The following LRRK1 variants were observed in gnomAD, a reference collection of about 807,000 sequenced individuals.
LRRK1 encodes leucine-rich repeat serine/threonine-protein kinase 1.
Under a neutral mutation model 209.1 loss-of-function variants are expected in LRRK1, and 113 were observed. The observed-to-expected ratio is 0.54, with a 90% CI of 0.46 to 0.63. The LOEUF (loss-of-function observed/expected upper bound fraction) is 0.63, where lower values mean the gene tolerates loss of function less well. LRRK1 is among the 30% of genes least tolerant of loss of function. LRRK1 has a pLI of 0.00. For synonymous variants in LRRK1, 1,144 were observed against 1,099.7 expected (o/e 1.04, Z -0.80); for missense variants, 2,284 against 2,632.2 (o/e 0.87, Z 2.89).
rs1046465465 is a variant in LRRK1 at position 101,022,239 on chromosome 15, C to T, written c.1853-144C>T. On this transcript the variant is annotated intron_variant, in intron 14 of 33. Transcript: ENST00000388948. The surrounding 1 kb of genome is among the most constrained non-coding windows in gnomAD (Gnocchi z 4.0). Reference sequence around the variant, plus strand: ...GCTTTTAGGGTGGTTAGTGTCATGCCTTCCCTCCCCCTGATCCAGTAGTCT... The same window carrying T: ...GCTTTTAGGGTGGTTAGTGTCATGCTTTCCCTCCCCCTGATCCAGTAGTCT... 7.3e-6 allele frequency: 6 copies of T among 824,848 alleles called. No homozygotes were observed. The African/African-American group carries it at 1.0e-4, about 14-fold the overall frequency. 51.1% of individuals were successfully genotyped at this position (824,848 alleles called of 1,614,324 possible). A position where few individuals can be genotyped will look rare whatever the true frequency, so the allele number is the denominator to read the frequency against.
rs766359451 is a variant in LRRK1, at chr15:101,028,914, C to T, written c.2687-42C>T. ...GGCCACCCCAGAGTCCCTTTCGCTC[C>T]TTTGTCTAACTGCTGCTTCCTCCTC... is the stretch of plus-strand genomic sequence containing the variant. On this transcript the variant is annotated intron_variant, in intron 19 of 33. Transcript: ENST00000388948. 19 of 1,602,694 alleles carry T rather than the reference C, an allele frequency of 1.2e-5. No homozygotes were observed. The South Asian group carries it at 1.6e-4, about 13-fold the overall frequency.
chr15:100,988,215 G>A (rs898054944), intron 4 of LRRK1, among the ~76,000 whole-genome samples: 4 of 152,168 alleles, frequency 2.6e-5, no homozygotes, highest in African/African-American at 4.8e-5. Context: ...GCATGTTGCC[G>A]GGGTTCGGTA....
chr15:101,061,083 C>A, intron 29 of LRRK1, 88 bp from the exon 30 acceptor site: 1 of 967,712 alleles, frequency 1.0e-6, no homozygotes, highest in Non-Finnish European at 1.6e-6. Context: ...GGGAGGTAGA[C>A]GAGGCTCGCA....
In LRRK1 at chr15:101,072,213, C is replaced by G. The variant is rs1250400180; in HGVS notation, c.*3365C>G. The G allele has an allele frequency of 1.3e-5, 2 of 152,186 alleles. No individual in the cohort carries two copies. The highest frequency in any genetic ancestry group is 2.9e-5 in the Non-Finnish European group (2 of 68,044). 9.4% of individuals were successfully genotyped at this position (152,186 alleles called of 1,614,324 possible). On this transcript the variant is annotated 3_prime_UTR_variant, in exon 34 of 34. Transcript: ENST00000388948. ...ATTTCAAATGCACATACCCTCTGAC[C>G]CAGCAGTTCCACTTAAGTATTTGGT...
At chr15:100,960,363 C>A (rs1293853619) in intron 2 of LRRK1, among the ~76,000 whole-genome samples, 1 of 144,318 alleles carries the variant, frequency 6.9e-6, no homozygotes. Flanking sequence ...GTGGCAATGT[C>A]AAAGGGTGTC....
chr15:101,057,594 G>A (rs768185357), intron 28 of LRRK1, among the ~76,000 whole-genome samples: 5 of 152,174 alleles, frequency 3.3e-5, no homozygotes, highest in Non-Finnish European at 7.3e-5. Context: ...TGGACTTATA[G>A]TCCCAGCCAC....
At chr15:100,985,535 G>A (rs1025479530) in intron 4 of LRRK1, among the ~76,000 whole-genome samples, 2 of 152,188 alleles carry the variant, frequency 1.3e-5, no homozygotes, top group African/African-American at 4.8e-5. Context: ...GCAGAGGTCT[G>A]GGAGCACACA....
At position 101,027,541 on chromosome 15, in the gene LRRK1, C is replaced by G; in HGVS notation, c.2527-97C>G. The G allele has an allele frequency of 1.3e-6, 2 of 1,511,238 alleles. No individual in the cohort carries two copies. Among genetic ancestry groups the G allele is most frequent in the Non-Finnish European group, 8.9e-7 (1 of 1,121,454 alleles). 93.6% of individuals were successfully genotyped at this position (1,511,238 alleles called of 1,614,324 possible). A position where few individuals can be genotyped will look rare whatever the true frequency, so the allele number is the denominator to read the frequency against. ...ATGGAAGATAGTGGGTGGAAACGTC[C>G]CACCCCCTCAGGCCACAGGGGCCGG... On this transcript the variant is annotated intron_variant, in intron 18 of 33. Coordinates refer to ENST00000388948, the MANE Select transcript of LRRK1 (RefSeq NM_024652.6). This position sits in a 1 kb window ranked among gnomAD's most constrained non-coding sequence, Gnocchi z 5.1.
chr15:101,064,167 C>CTGTT (rs2141160541), intron 31 of LRRK1, among the ~76,000 whole-genome samples: 2 of 152,400 alleles, frequency 1.3e-5, no homozygotes, highest in East Asian at 3.9e-4. Context: ...GACCTGGAGC[C>CTGTT]TGTTTGCCTT....
intron 2 of LRRK1, among the ~76,000 whole-genome samples, chr15:100,956,528 C>G (rs766678184): frequency 1.5e-5 from 2 of 137,154 alleles, no homozygotes; most frequent in Non-Finnish European, 3.0e-5. Context: ...TGCAGTGGCA[C>G]GATCTTGGCT....
chr15:101,029,444 G>T (rs529200544), intron 20 of LRRK1, among the ~76,000 whole-genome samples: 2 of 141,266 alleles, frequency 1.4e-5, no homozygotes, highest in South Asian at 4.1e-4. Context: ...TGTGCCACGG[G>T]CTTCTCTGTT....
intron 27 of LRRK1, among the ~76,000 whole-genome samples, chr15:101,055,986 G>A (rs1294785909): frequency 2.0e-5 from 3 of 152,186 alleles, no homozygotes; most frequent in Non-Finnish European, 4.4e-5. Context: ...CAGCACCTGT[G>A]GTTGTTGCCC....
intron 9 of LRRK1, 22 bp downstream of exon 9, chr15:101,010,859 A>C: frequency 6.2e-7 from 1 of 1,600,222 alleles, no homozygotes; most frequent in Non-Finnish European, 8.5e-7. Flanking sequence ...ACCAAAAGTC[A>C]TGAAAGCCAC....
intron 12 of LRRK1, among the ~76,000 whole-genome samples, 166 bp from the exon 13 acceptor site, chr15:101,020,887 A>G (rs11633278): frequency 0.13 from 19,857 of 152,202 alleles, 2,063 homozygotes; most frequent in African/African-American, 0.29. Context: ...ATGCAAAGCT[A>G]TCTGTAGAAT....
At chr15:100,933,980 A>G (rs1243390139) in intron 2 of LRRK1, among the ~76,000 whole-genome samples, 1 of 151,850 alleles carries the variant, frequency 6.6e-6, no homozygotes, top group Non-Finnish European at 1.5e-5. Flanking sequence ...TGTGTTTTGT[A>G]CACAGTATTT....
chr15:101,066,019 G>A lies in LRRK1; in HGVS notation c.5582G>A (p.Ser1861Asn). 1.9e-6 allele frequency: 3 copies of A among 1,614,046 alleles called. No homozygotes were observed. The African/African-American group carries it at 4.0e-5, about 22-fold the overall frequency. Residue 1861 changes from serine (S) to asparagine (N), a missense_variant, in exon 32 of 34, where the codon AGC becomes AAC. Coordinates refer to ENST00000388948, the MANE Select transcript of LRRK1 (RefSeq NM_024652.6). ...GCCAGGTCCCCCTCAAGCCTCCCCA[G>A]CTCCCCAGCAAGTTCTTCCAGTGTG... ...QAARSPSSLPSSPASSSSVPF... is the reference protein window; with the variant it reads ...QAARSPSSLPNSPASSSSVPF...
intron 20 of LRRK1, among the ~76,000 whole-genome samples, chr15:101,035,262 A>G (rs1448651418): frequency 6.6e-6 from 1 of 151,900 alleles, no homozygotes; most frequent in Non-Finnish European, 1.5e-5. Context: ...GGTATGTTTA[A>G]GTGCCATACT....
chr15:101,018,837 C>T (rs1351563163), intron 12 of LRRK1, among the ~76,000 whole-genome samples: 1 of 152,174 alleles, frequency 6.6e-6, no homozygotes, highest in Non-Finnish European at 1.5e-5. Flanking sequence ...GAAAAGAAGG[C>T]GGCTCTTTGC....
chr15:100,950,993 T>C (rs113397619), intron 2 of LRRK1, among the ~76,000 whole-genome samples: 256 of 152,048 alleles, frequency 1.7e-3, no homozygotes, highest in African/African-American at 3.6e-3. Context: ...GTCCCAGCTA[T>C]TTGGGAGGCT....
Sources: allele counts gnomAD v4.1 joint callset (sites outside exome capture counted in the v4.1 genomes callset), GRCh38; gene constraint gnomAD v4.1.1; non-coding constraint Gnocchi (gnomAD v3.1); transcripts MANE v1.5; gene names NCBI Gene and HGNC (gene_info 2026-07-23, HGNC 2026-07-21).